UNC13C: variants seen among roughly 807,000 people sequenced by gnomAD.
UNC13C encodes the protein protein unc-13 homolog C.
UNC13C carries 174 observed loss-of-function variants against 245.4 expected under a neutral mutation model. That is an observed-to-expected ratio of 0.71 (90% CI 0.63 to 0.80). UNC13C has a LOEUF of 0.80. UNC13C is among the 30% of genes least tolerant of loss of function. The pLI, the probability that UNC13C is intolerant of heterozygous loss-of-function variation, is 0.00. For missense variants in UNC13C, 2,829 were observed against 2,602.9 expected (o/e 1.09, Z -1.89); for synonymous variants, 992 against 895.1 (o/e 1.11, Z -1.93).
At chr15:54,250,749 C>CTTTTTTTTTTTTTTTTTTTTTTTTTTTT (rs1296024773) in intron 8 of UNC13C, among the ~76,000 whole-genome samples, 2 of 88,868 alleles carry the variant, frequency 2.3e-5, no homozygotes, top group Non-Finnish European at 4.5e-5. Context: ...TTCTTTCTTT[C>CTTTTTTTTTTTTTTTTTTTTTTTTTTTT]TTTTTTTTTT....
chr15:54,108,755 G>C (rs74754304), intron 2 of UNC13C, among the ~76,000 whole-genome samples: 1 of 152,094 alleles, frequency 6.6e-6, no homozygotes, highest in African/African-American at 2.4e-5. Context: ...TTGGAAAATA[G>C]GGGAGATAAA....
chr15:54,629,233 G>A (rs1001393395), downstream of UNC13C: 4 of 152,024 alleles, frequency 2.6e-5, no homozygotes, highest in East Asian at 1.9e-4. Context: ...GAAGCTAAAC[G>A]ATGAGGACAC....
At chr15:53,864,857 T>C in the UNC13C span, among the ~76,000 whole-genome samples, 1 of 152,186 alleles carries the variant, frequency 6.6e-6, no homozygotes, top group Non-Finnish European at 1.5e-5. Context: ...TATCATGCAA[T>C]TCGGTTTGTA....
chr15:54,369,531 T>C (rs1339965601), intron 17 of UNC13C, among the ~76,000 whole-genome samples: 1 of 152,132 alleles, frequency 6.6e-6, no homozygotes, highest in African/African-American at 2.4e-5. Context: ...ACCTAATGAA[T>C]TGATAAATCC....
At chr15:53,992,259 C>G (rs1894425189) in intron 1 of UNC13C, among the ~76,000 whole-genome samples, 1 of 151,986 alleles carries the variant, frequency 6.6e-6, no homozygotes, top group East Asian at 1.9e-4. Context: ...ATGTGCTTTC[C>G]CAATTCCTAC....
intron 18 of UNC13C, among the ~76,000 whole-genome samples, chr15:54,410,369 A>G (rs772274518): frequency 2.0e-5 from 3 of 151,862 alleles, no homozygotes; most frequent in Non-Finnish European, 4.4e-5. Context: ...GAAGCTCTTT[A>G]GTTTAATTAA....
At position 53,993,379 on chromosome 15, in the gene UNC13C, G is replaced by T. The variant is rs1266517205; in HGVS notation, c.-257+14452G>T. ...AGCAGAAGAGAGAGAATGAGCACTTGACCGTGAACCTCTCTCAGGGAGTGA... is the reference window on the plus strand; with the variant it reads ...AGCAGAAGAGAGAGAATGAGCACTTTACCGTGAACCTCTCTCAGGGAGTGA... On this transcript the variant is annotated intron_variant, in intron 1 of 32. Transcript: ENST00000260323. Among the ~76,000 whole-genome samples, 5 of 152,190 alleles carry T rather than the reference G, an allele frequency of 3.3e-5. No individual in the cohort carries two copies. The East Asian group carries it at 7.7e-4, about 24-fold the overall frequency.
At chr15:54,444,742 G>A (rs1379082635) in intron 19 of UNC13C, among the ~76,000 whole-genome samples, 1 of 151,718 alleles carries the variant, frequency 6.6e-6, no homozygotes, top group African/African-American at 2.4e-5. Flanking sequence ...TTATGATGGT[G>A]GATGTCATCC....
At chr15:54,107,808 A>G (rs1900522182) in intron 2 of UNC13C, among the ~76,000 whole-genome samples, 1 of 152,234 alleles carries the variant, frequency 6.6e-6, no homozygotes, top group African/African-American at 2.4e-5. Flanking sequence ...AGATTAGGTC[A>G]TCTCTCAAAG....
chr15:54,134,002 A>G (rs1193709795), intron 2 of UNC13C, among the ~76,000 whole-genome samples: 1 of 152,042 alleles, frequency 6.6e-6, no homozygotes, highest in Non-Finnish European at 1.5e-5. Flanking sequence ...TTGTGAAATG[A>G]TTACCACAAT....
At chr15:54,399,720 G>C (rs937722621) in intron 18 of UNC13C, among the ~76,000 whole-genome samples, 1 of 151,704 alleles carries the variant, frequency 6.6e-6, no homozygotes, top group Admixed American at 6.6e-5. Flanking sequence ...TTCCCCTCTC[G>C]GGGTTATGTG....
the UNC13C span, among the ~76,000 whole-genome samples, chr15:53,933,546 A>G: frequency 2.6e-5 from 4 of 152,136 alleles, no homozygotes; most frequent in Non-Finnish European, 5.9e-5. Flanking sequence ...GAACGACTGG[A>G]TACATTCCAA....
At chr15:54,413,482 T>A (rs895099694) in intron 18 of UNC13C, among the ~76,000 whole-genome samples, 3 of 152,170 alleles carry the variant, frequency 2.0e-5, no homozygotes, top group Non-Finnish European at 4.4e-5. Context: ...AAATAAATTG[T>A]TTGCCTAGGG....
intron 13 of UNC13C, among the ~76,000 whole-genome samples, chr15:54,314,141 T>C (rs1014583809): frequency 6.6e-6 from 1 of 151,282 alleles, no homozygotes; most frequent in African/African-American, 2.4e-5. Context: ...ACCAGGGTCT[T>C]AGGGAAAGGA....
Position 54,384,612 on chromosome 15 carries a change from T to A in UNC13C, c.4714-8436T>A, listed in dbSNP as rs902657942. Among the ~76,000 whole-genome samples, 6 of 152,080 alleles carry A rather than the reference T, an allele frequency of 3.9e-5. 1 individual carries two copies. The highest frequency in any genetic ancestry group is 1.3e-4 in the Admixed American group (2 of 15,250). On this transcript the variant is annotated intron_variant, in intron 17 of 32. Coordinates refer to ENST00000260323, the MANE Select transcript of UNC13C (RefSeq NM_001080534.3). Reference sequence around the variant, plus strand: ...CGAAAATCTTTCTAGGGAAAGATTTTATGGCTAAGAGCTCAAAAGCATAGG... The same window carrying A: ...CGAAAATCTTTCTAGGGAAAGATTTAATGGCTAAGAGCTCAAAAGCATAGG...
At chr15:54,486,153 T>A (rs968000763) in intron 19 of UNC13C, among the ~76,000 whole-genome samples, 4 of 151,718 alleles carry the variant, frequency 2.6e-5, no homozygotes, top group Non-Finnish European at 5.9e-5. Context: ...CTCATGCCCA[T>A]AATCCCAGCA....
intron 10 of UNC13C, among the ~76,000 whole-genome samples, chr15:54,273,543 A>G (rs958264342): frequency 7.9e-5 from 12 of 152,174 alleles, no homozygotes; most frequent in Admixed American, 7.2e-4. Flanking sequence ...AGCTCAGTTC[A>G]TCTTTACAAA....
rs572494768 is a variant in UNC13C, at chr15:54,402,219, C to G, written c.4847+9038C>G. Among the ~76,000 whole-genome samples, 145 of 151,930 alleles carry G rather than the reference C, an allele frequency of 9.5e-4. 1 individual carries two copies. Among genetic ancestry groups the G allele is most frequent in the Non-Finnish European group, 1.5e-3 (101 of 67,958 alleles). ...ATCTGTTGTAAAAATCTACCTAACA[C>G]TAAAGATATAAAGTAAAATTTCAAA... On this transcript the variant is annotated intron_variant, in intron 18 of 32. Transcript: ENST00000260323.
At chr15:54,339,056 CGG>C (rs1365225030) in intron 17 of UNC13C, among the ~76,000 whole-genome samples, 4 of 151,912 alleles carry the variant, frequency 2.6e-5, no homozygotes, top group African/African-American at 9.7e-5. Context: ...TTAATAGAGA[CGG>C]GGTTTCTCCA....
Sources: gnomAD v4.1 joint callset for allele counts (sites outside exome capture counted in the v4.1 genomes callset) on GRCh38, gnomAD v4.1.1 for gene constraint, MANE v1.5 for transcripts, NCBI Gene and HGNC (gene_info 2026-07-23, HGNC 2026-07-21) for gene names.